Variants in FGF13 observed in about 807,000 individuals in gnomAD.
The protein encoded by FGF13 is fibroblast growth factor 13, also known as fibroblast growth factor homologous factor 2.
In FGF13, 2 loss-of-function variants were observed where a neutral mutation model predicts 19.5. The ratio of observed to expected loss-of-function variants is 0.10; its 90% confidence interval spans 0.04 to 0.32. The LOEUF is 0.32. FGF13 is among the 10% of genes least tolerant of loss of function. FGF13 has a pLI of 1.00. For missense variants in FGF13, 113 were observed against 192.7 expected (o/e 0.59, Z 2.45); for synonymous variants, 72 against 76.9 (o/e 0.94, Z 0.33).
intron 1 of FGF13, among the ~76,000 whole-genome samples, chrX:138,912,582 G>A (rs1208662498): frequency 1.8e-5 from 2 of 111,687 alleles, no homozygotes; most frequent in African/African-American, 6.5e-5. Flanking sequence ...ATCAAAATTG[G>A]GTGGCCTAAC....
chrX:139,148,683 A>G (rs770249597), intron 1 of FGF13, among the ~76,000 whole-genome samples: 13 of 110,588 alleles, frequency 1.2e-4, no homozygotes, highest in African/African-American at 3.3e-4. Flanking sequence ...AACAGATACA[A>G]GTAAATATTC....
At position 138,935,236 on chromosome X, in the gene FGF13, T is replaced by C. The variant is rs1387236185; in HGVS notation, c.-112-70586A>G. ...CAAGTACAAACAAGAACTACAGTCA[T>C]GTCAAATACTGTGAGAAAGCTGGGA... is the stretch of plus-strand genomic sequence containing the variant. On this transcript the variant is annotated intron_variant, in intron 1 of 2. Coordinates refer to the FGF13 transcript ENST00000421460. 3.6e-5 allele frequency among the ~76,000 whole-genome samples: 4 copies of C among 111,190 alleles called. No homozygotes were observed. The Admixed American group carries it at 3.8e-4, about 11-fold the overall frequency.
At chrX:139,072,261 C>A (rs773008405) in intron 1 of FGF13, among the ~76,000 whole-genome samples, 23 of 100,334 alleles carry the variant, frequency 2.3e-4, no homozygotes, top group African/African-American at 6.8e-4. Flanking sequence ...TCAGAAATAT[C>A]TCTCTCTCTC....
intron 1 of FGF13, among the ~76,000 whole-genome samples, chrX:139,008,899 T>C (rs1404632991): frequency 8.9e-6 from 1 of 111,745 alleles, no homozygotes; most frequent in Non-Finnish European, 1.9e-5. Context: ...ATTATTAAGC[T>C]AATCAAGGAG....
At chrX:138,971,786 G>A (rs944791964) in intron 1 of FGF13, among the ~76,000 whole-genome samples, 4 of 111,011 alleles carry the variant, frequency 3.6e-5, no homozygotes, top group African/African-American at 6.6e-5. Flanking sequence ...GCACTCTGCT[G>A]CGCAATAGAA....
At chrX:138,710,192 C>A (rs761753742) in intron 1 of FGF13, among the ~76,000 whole-genome samples, 38 of 110,223 alleles carry the variant, frequency 3.4e-4, no homozygotes, top group Non-Finnish European at 6.6e-4. Flanking sequence ...AGCATGTAAC[C>A]GATTACACTA....
rs190289619 is a variant in FGF13, at chrX:139,071,824, T to C, written c.-113+131592A>G. Among the ~76,000 whole-genome samples, 1,080 of 108,861 alleles carry C rather than the reference T, an allele frequency of 9.9e-3. 7 individuals are homozygous for C. The highest frequency in any genetic ancestry group is 0.015 in the Non-Finnish European group (772 of 52,537). The allele number at this position is 108,861 out of a possible 115,157, so 94.5% of individuals were successfully genotyped here. On this transcript the variant is annotated intron_variant, in intron 1 of 2. Transcript: ENST00000421460. ...CAAGGTTAAGAGATCAAGACCATCC[T>C]GGCCAACATGGTGAAACCCCATCTC...
chrX:138,781,722 C>A (rs2095827436), intron 3 of FGF13, among the ~76,000 whole-genome samples: 1 of 111,624 alleles, frequency 9.0e-6, no homozygotes, highest in South Asian at 3.8e-4. Flanking sequence ...TGAATTCTAC[C>A]AGAGGTACAA....
chrX:138,636,522 G>A (rs1387860334), intron 3 of FGF13, among the ~76,000 whole-genome samples: 2 of 111,971 alleles, frequency 1.8e-5, no homozygotes, highest in Non-Finnish European at 3.8e-5. Context: ...GAGTGTACAC[G>A]TGTCTATGTG....
In FGF13 at chrX:138,926,606, T is replaced by C. The variant is rs2091675500; in HGVS notation, c.-112-61956A>G. 3.6e-5 allele frequency among the ~76,000 whole-genome samples: 4 copies of C among 111,680 alleles called. No individual in the cohort carries two copies. In the South Asian group the frequency reaches 1.5e-3, roughly 43 times the overall value. On this transcript the variant is annotated intron_variant, in intron 1 of 2. Coordinates refer to the FGF13 transcript ENST00000421460. ...ACATCTAAGAAAAGCCCATTCCATG[T>C]TGAACAAACAACCAGTGCAAAGGCT...
At chrX:138,687,515 C>T (rs911593484) in intron 3 of FGF13, among the ~76,000 whole-genome samples, 2 of 111,414 alleles carry the variant, frequency 1.8e-5, no homozygotes, top group Admixed American at 9.6e-5. Context: ...TTGCTGGGTA[C>T]GGATGTGAAG....
At chrX:139,004,507 T>A (rs2092092034) in intron 1 of FGF13, among the ~76,000 whole-genome samples, 1 of 112,352 alleles carries the variant, frequency 8.9e-6, no homozygotes, top group South Asian at 3.7e-4. Flanking sequence ...GCTCCTCAAA[T>A]GCCGCCAAAG....
intron 1 of FGF13, among the ~76,000 whole-genome samples, chrX:139,005,628 A>G (rs1301031340): frequency 9.1e-6 from 1 of 110,306 alleles, no homozygotes; most frequent in Admixed American, 9.7e-5. Flanking sequence ...GAGATATGTG[A>G]CCTTCTTTCA....
intron 3 of FGF13, among the ~76,000 whole-genome samples, chrX:138,804,194 C>A (rs921995649): frequency 1.8e-5 from 2 of 112,031 alleles, no homozygotes; most frequent in South Asian, 3.8e-4. Flanking sequence ...AGCTCCCTAA[C>A]AAGGAAAAGG....
At chrX:138,903,994 T>G (rs1317905795) in intron 1 of FGF13, among the ~76,000 whole-genome samples, 1 of 111,384 alleles carries the variant, frequency 9.0e-6, no homozygotes, top group African/African-American at 3.3e-5. Flanking sequence ...TATAAATGGA[T>G]AGAGATTGAT....
intron 3 of FGF13, among the ~76,000 whole-genome samples, chrX:138,837,314 T>A (rs778681204): frequency 4.5e-5 from 5 of 110,887 alleles, no homozygotes; most frequent in Non-Finnish European, 9.5e-5. Context: ...GCCCCTACCA[T>A]TGGGAGCTGC....
At chrX:138,852,735 C>G (rs1212643866), downstream of FGF13, among the ~76,000 whole-genome samples, 1 of 111,566 alleles carries the variant, frequency 9.0e-6, no homozygotes, top group Non-Finnish European at 1.9e-5. Context: ...AGCTTCTGCA[C>G]AGCAAAAGAA....
chrX:138,898,872 C>T (rs1197413020), intron 1 of FGF13, among the ~76,000 whole-genome samples: 1 of 111,496 alleles, frequency 9.0e-6, no homozygotes, highest in East Asian at 2.8e-4. Flanking sequence ...TGTTGCCTCC[C>T]TTCTCTTCTC....
rs1347421487 is a variant in FGF13, at chrX:138,852,186, T to A, written c.217+5326A>T. 4.5e-5 allele frequency among the ~76,000 whole-genome samples: 5 copies of A among 111,685 alleles called. No individual in the cohort carries two copies. The Admixed American group carries it at 4.8e-4, about 11-fold the overall frequency. On this transcript the variant is annotated intron_variant, in intron 3 of 6. Transcript: ENST00000436198. ...AATGCTATTCCTGTTAAACTACCAT[T>A]TACATTATTCACAGAATTAGAAAAA...
Sources: allele counts gnomAD v4.1 joint callset (sites outside exome capture counted in the v4.1 genomes callset), GRCh38; gene constraint gnomAD v4.1.1; transcripts MANE v1.5; gene names NCBI Gene and HGNC (gene_info 2026-07-23, HGNC 2026-07-21).